Variants in AKAP3 observed in about 807,000 individuals in gnomAD.
The protein encoded by AKAP3 is A-kinase anchor protein 3.
AKAP3 carries 27 observed loss-of-function variants against 57.2 expected under a neutral mutation model. The ratio of observed to expected loss-of-function variants is 0.47; its 90% CI spans 0.35 to 0.65. The LOEUF is 0.65. Among genes scored for constraint, AKAP3 ranks in the 30% least tolerant of loss-of-function variants. The pLI, the probability that AKAP3 is intolerant of heterozygous loss-of-function variation, is 0.01. For missense variants in AKAP3, 959 were observed against 1,040.0 expected, an observed-to-expected ratio of 0.92 and a Z score of 1.07; for synonymous variants, 334 against 392.3, an observed-to-expected ratio of 0.85 and a Z score of 1.76.
At chr12:4,629,533 G>A (rs756166571) in intron 4 of AKAP3, among the ~76,000 whole-genome samples, 159 of 152,186 alleles carry the variant, frequency 1.0e-3, no homozygotes, top group Non-Finnish European at 4.0e-4. Context: ...ATGGGTACTA[G>A]GCTTAATACC....
chr12:4,646,689 C>T (rs972599394), intron 1 of AKAP3, among the ~76,000 whole-genome samples: 3 of 152,022 alleles, frequency 2.0e-5, no homozygotes, highest in Admixed American at 6.6e-5. Context: ...GTTATTTATC[C>T]ATTGATGATC....
At chr12:4,622,787 ATTAAAT>A (rs1416673252) in intron 5 of AKAP3, among the ~76,000 whole-genome samples, 2 of 152,238 alleles carry the variant, frequency 1.3e-5, no homozygotes, top group African/African-American at 4.8e-5. Context: ...ATGGGATCTA[ATTAAAT>A]TTAAGAGCTT....
Position 4,628,144 on chromosome 12 carries a change from T to C in AKAP3, c.758A>G (p.Tyr253Cys), listed in dbSNP as rs1162504058. The change falls in exon 5 of 6, where the codon TAT becomes TGT. Residue 253 changes from tyrosine to cysteine, a missense_variant. Tyr to Cys is a radical substitution (Grantham distance 194, BLOSUM62 -2). Coordinates refer to ENST00000228850, the MANE Select transcript of AKAP3 (RefSeq NM_001278309.2). ...KEVFESRNGD[Y>C]AREGGRFFPR... ...AAAGAACCTTCCACCCTCTCTGGCA[T>C]AATCTCCATTACGAGATTCAAACAC... The C allele has an allele frequency of 6.2e-7, 1 of 1,614,162 alleles. No individual in the cohort carries two copies. The highest frequency in any genetic ancestry group is 1.3e-5 in the African/African-American group (1 of 75,050).
chr12:4,626,211 C>A (rs1285602359), intron 5 of AKAP3, among the ~76,000 whole-genome samples: 3 of 152,208 alleles, frequency 2.0e-5, no homozygotes, highest in Non-Finnish European at 4.4e-5. Context: ...TAATCTGATT[C>A]TTTCACTAGG....
Position 4,628,915 on chromosome 12 carries a change from C to T in AKAP3, c.97-110G>A, listed in dbSNP as rs1945464294. On this transcript the variant is annotated intron_variant, in intron 4 of 5. Transcript: ENST00000228850. ...GTCATCAGCCCTCTCAAGCTTGCTC[C>T]ATCTTGGCAATAAAAGTAACCATTT... 3.4e-6 allele frequency: 4 copies of T among 1,160,108 alleles called. No individual in the cohort carries two copies. In the South Asian group the frequency reaches 7.1e-5, roughly 20 times the overall value. The allele number at this position is 1,160,108 out of a possible 1,614,324, so 71.9% of individuals were successfully genotyped here.
intron 5 of AKAP3, among the ~76,000 whole-genome samples, chr12:4,616,252 A>T (rs1945284006): frequency 6.6e-6 from 1 of 152,192 alleles, no homozygotes; most frequent in African/African-American, 2.4e-5. Context: ...AGAATCCTAA[A>T]ATGTTAGAGC....
intron 1 of AKAP3, 102 bp downstream of exon 1, chr12:4,648,643 C>G (rs4147668): frequency 0.41 from 62,975 of 153,722 alleles, 13,149 homozygotes; most frequent in Middle Eastern, 0.51. Context: ...TTTGGTTTCT[C>G]TTCTCCACTT....
chr12:4,623,925 G>A (rs1181749057), intron 5 of AKAP3, among the ~76,000 whole-genome samples: 1 of 152,140 alleles, frequency 6.6e-6, no homozygotes, highest in East Asian at 1.9e-4. Flanking sequence ...TGAGGAAATA[G>A]TCCTCTTACA....
Position 4,627,609 on chromosome 12 carries a change from T to G in AKAP3, c.1293A>C (p.Arg431Ser), listed in dbSNP as rs778797102. 1.2e-6 allele frequency: 2 copies of G among 1,614,114 alleles called. No individual in the cohort carries two copies. The highest frequency in any genetic ancestry group is 3.3e-5 in the Admixed American group (2 of 60,028). ...NFAMKSETKL[R>S]EKMYSEPKSE... ...ATTTGGGTTCAGAATACATTTTTTC[T>G]CTCAATTTAGTTTCAGATTTCATGG... The change falls in exon 5 of 6, where the codon AGA (arginine) becomes AGC (serine). Residue 431 changes from arginine to serine, a missense_variant. Coordinates refer to ENST00000228850, the MANE Select transcript of AKAP3 (RefSeq NM_001278309.2).
In AKAP3 at chr12:4,627,752, C is replaced by T; in HGVS notation, c.1150G>A (p.Val384Ile). Residue 384 changes from valine to isoleucine, a missense_variant, in exon 5 of 6, where the codon GTA becomes ATA. Val to Ile is a conservative substitution (Grantham distance 29, BLOSUM62 3). Transcript: ENST00000228850. ...MDAMLRKLYN[V>I]MFAKKVPEHV... is the part of the protein sequence containing the mutation. The stretch of plus-strand genomic sequence containing the variant: ...TCAGGGACTTTCTTGGCAAACATTA[C>T]ATTGTACAGCTTCCTTAGCATGGCA... The T allele has an allele frequency of 6.2e-7, 1 of 1,614,156 alleles. No individual in the cohort carries two copies. Among genetic ancestry groups the T allele is most frequent in the South Asian group, 1.1e-5 (1 of 91,082 alleles).
At position 4,648,730 on chromosome 12, in the gene AKAP3, T is replaced by C. The variant is rs979877; in HGVS notation, c.-245+15A>G. ...GAGCGCGGAGGGCTACGCCTCCTTCTTCCTCCGGACTCACCAGGGCTGCCA... is the reference window on the plus strand; with the variant it reads ...GAGCGCGGAGGGCTACGCCTCCTTCCTCCTCCGGACTCACCAGGGCTGCCA... On this transcript the variant is annotated intron_variant, in intron 1 of 5. Transcript: ENST00000228850. 0.44 allele frequency: 76,641 copies of C among 173,014 alleles called. 18,979 individuals are homozygous for C. Among genetic ancestry groups the C allele is most frequent in the Admixed American group, 0.56 (8,836 of 15,856 alleles). 10.7% of individuals were successfully genotyped at this position (173,014 alleles called of 1,614,324 possible). A position where few individuals can be genotyped will look rare whatever the true frequency, so the allele number is the denominator to read the frequency against.
At chr12:4,644,450 T>G (rs1237002882) in intron 2 of AKAP3, among the ~76,000 whole-genome samples, 1 of 152,154 alleles carries the variant, frequency 6.6e-6, no homozygotes, top group Non-Finnish European at 1.5e-5. Context: ...CTCTATCAAA[T>G]GGGGAAGCAG....
At position 4,625,329 on chromosome 12, in the gene AKAP3, A is replaced by G. The variant is rs952026570; in HGVS notation, c.2406+1167T>C. ...TCTAAAAAGCTCCCAGGTGATGCCA[A>G]TGTTGTAGGTCCACAGACTACACTT... On this transcript the variant is annotated intron_variant, in intron 5 of 5. Transcript: ENST00000228850. This position sits in a 1 kb window ranked among gnomAD's most constrained non-coding sequence, Gnocchi z 5.4. 6.6e-6 allele frequency among the ~76,000 whole-genome samples: 1 copy of G among 152,110 alleles called. No homozygotes were observed. Among genetic ancestry groups the G allele is most frequent in the Non-Finnish European group, 1.5e-5 (1 of 68,024 alleles).
At chr12:4,619,471 C>T (rs991913833) in intron 5 of AKAP3, among the ~76,000 whole-genome samples, 9 of 151,956 alleles carry the variant, frequency 5.9e-5, no homozygotes, top group South Asian at 2.1e-4. Context: ...GTGGGAGGAT[C>T]GCTTAAGCCT....
rs369195686 is a variant in AKAP3, at chr12:4,627,719, T to C, written c.1183A>G (p.Arg395Gly). The C allele has an allele frequency of 1.2e-6, 2 of 1,614,058 alleles. No homozygotes were observed. Among genetic ancestry groups the C allele is most frequent in the Non-Finnish European group, 1.7e-6 (2 of 1,180,038 alleles). ...MFAKKVPEHV[R>G]KAQDKAESYS... is the part of the protein sequence containing the mutation. ...CTCTCAGCCTTGTCTTGGGCTTTCCTGACATGCTCAGGGACTTTCTTGGCA... is the reference window on the plus strand; with the variant it reads ...CTCTCAGCCTTGTCTTGGGCTTTCCCGACATGCTCAGGGACTTTCTTGGCA... Residue 395 changes from arginine to glycine, a missense_variant, in exon 5 of 6, where the codon AGG becomes GGG. Physicochemically the swap from Arg to Gly is moderately radical, Grantham distance 125. Coordinates refer to ENST00000228850, the MANE Select transcript of AKAP3 (RefSeq NM_001278309.2).
rs987817216 is a variant in AKAP3, at chr12:4,625,196, A to G, written c.2406+1300T>C. On this transcript the variant is annotated intron_variant, in intron 5 of 5. Transcript: ENST00000228850. This position sits in a 1 kb window ranked among gnomAD's most constrained non-coding sequence, Gnocchi z 5.4. ...GGAATAGATCTAATATTGGAAGTTC[A>G]CACTGTCTTCTAGCCTAACTTGAAT... Among the ~76,000 whole-genome samples the G allele has an allele frequency of 6.6e-6, 1 of 152,174 alleles. No homozygotes were observed. Among genetic ancestry groups the G allele is most frequent in the African/African-American group, 2.4e-5 (1 of 41,446 alleles).
chr12:4,636,153 G>T (rs901213771), intron 4 of AKAP3: 2 of 683,858 alleles, frequency 2.9e-6, no homozygotes, highest in African/African-American at 1.8e-5. Context: ...CTTGCGCCTC[G>T]ATTAGCCATG....
intron 4 of AKAP3, chr12:4,635,718 T>C: frequency 2.8e-6 from 2 of 718,068 alleles, no homozygotes; most frequent in Non-Finnish European, 5.1e-6. Flanking sequence ...TGTGCTCCTC[T>C]GTAGTACATT....
At chr12:4,629,945 T>G (rs1370086471) in intron 4 of AKAP3, among the ~76,000 whole-genome samples, 1 of 152,228 alleles carries the variant, frequency 6.6e-6, no homozygotes, top group Non-Finnish European at 1.5e-5. Context: ...GATTCTTTGA[T>G]GGACGCTAGC....
Sources: gnomAD v4.1 joint callset for allele counts (sites outside exome capture counted in the v4.1 genomes callset) on GRCh38, gnomAD v4.1.1 for gene constraint, Gnocchi (gnomAD v3.1) non-coding constraint, MANE v1.5 for transcripts, NCBI Gene and HGNC (gene_info 2026-07-23, HGNC 2026-07-21) for gene names.